The following TBX4 variants were observed in gnomAD, a reference collection of about 807,000 sequenced individuals.
The protein encoded by TBX4 is T-box transcription factor 4.
TBX4 carries 13 observed loss-of-function variants against 54.6 expected under a neutral mutation model. The observed-to-expected ratio is 0.24, with a 90% CI of 0.15 to 0.38. TBX4 has a LOEUF of 0.38. Ranked by LOEUF, TBX4 falls within the 10% of genes least tolerant of loss-of-function variation. The pLI is 1.00. For missense variants in TBX4, 631 were observed against 728.5 expected (o/e 0.87, Z 1.54); for synonymous variants, 314 against 306.7 (o/e 1.02, Z -0.25).
chr17:61,466,622 G>A (rs1042329238), intron 4 of TBX4, among the ~76,000 whole-genome samples: 7 of 152,368 alleles, frequency 4.6e-5, no homozygotes, highest in East Asian at 1.9e-4. Context: ...ACTGGGCTCC[G>A]TGGCAAGTGA....
In TBX4 at chr17:61,457,697, T is replaced by C; in HGVS notation, c.281+66T>C. ...AGCAAGGGGGGCCAGGGAGGTCCCTTAGAAGTCCTCTCGGCCCCGGCCTGG... is the reference window on the plus strand; with the variant it reads ...AGCAAGGGGGGCCAGGGAGGTCCCTCAGAAGTCCTCTCGGCCCCGGCCTGG... On this transcript the variant is annotated intron_variant, in intron 3 of 8. Coordinates refer to ENST00000644296, the MANE Select transcript of TBX4 (RefSeq NM_001321120.2). The surrounding 1 kb of genome is among the most constrained non-coding windows in gnomAD (Gnocchi z 8.2). 6.7e-7 allele frequency: 1 copy of C among 1,495,108 alleles called. No homozygotes were observed. Among genetic ancestry groups the C allele is most frequent in the South Asian group, 1.1e-5 (1 of 87,102 alleles). 92.6% of individuals were successfully genotyped at this position (1,495,108 alleles called of 1,614,324 possible).
chr17:61,456,408 CGGAATCG>C (rs2060449504), intron 1 of TBX4, 73 bp from the exon 2 acceptor site: 2 of 1,526,828 alleles, frequency 1.3e-6, no homozygotes, highest in African/African-American at 2.8e-5. Context: ...CACGAAGTCC[CGGAATCG>C]GCTGGAGAGG....
chr17:61,482,896 G>A lies in TBX4; in HGVS notation c.1022-1G>A. 6.2e-7 allele frequency: 1 copy of A among 1,613,352 alleles called. No homozygotes were observed. ...TTCCTGAATGTTACTTTGTCTTTCAGCAGACGGTACCCGCCACCTGGACTT... is the reference window on the plus strand; with the variant it reads ...TTCCTGAATGTTACTTTGTCTTTCAACAGACGGTACCCGCCACCTGGACTT... On this transcript the variant is annotated splice_acceptor_variant, in intron 8 of 8. Coordinates refer to ENST00000644296, the MANE Select transcript of TBX4 (RefSeq NM_001321120.2). LOFTEE classifies it high-confidence loss of function.
Position 61,478,499 on chromosome 17 carries a change from C to A in TBX4, c.550-128C>A. The A allele has an allele frequency of 2.3e-6, 3 of 1,308,332 alleles. No homozygotes were observed. The highest frequency in any genetic ancestry group is 1.2e-5 in the South Asian group (1 of 81,860). 81.0% of individuals were successfully genotyped at this position (1,308,332 alleles called of 1,614,324 possible). On this transcript the variant is annotated intron_variant, in intron 5 of 8. Coordinates refer to ENST00000644296, the MANE Select transcript of TBX4 (RefSeq NM_001321120.2). This position sits in a 1 kb window ranked among gnomAD's most constrained non-coding sequence, Gnocchi z 7.4. Reference sequence around the variant, plus strand: ...TTCACTTGGGAGCTCCAGTCCTGGTCGGTAGGCCCCGGATCCTGGGCTTTG... The same window carrying A: ...TTCACTTGGGAGCTCCAGTCCTGGTAGGTAGGCCCCGGATCCTGGGCTTTG...
Position 61,483,294 on chromosome 17 carries a change from T to G in TBX4, c.1419T>G (p.Ser473Arg), listed in dbSNP as rs780786210. The G allele has an allele frequency of 8.7e-6, 14 of 1,613,770 alleles. No individual in the cohort carries two copies. In the South Asian group the frequency reaches 1.5e-4, roughly 18 times the overall value. ...AGCCACCAGGAAATGCCCACTTTAG[T>G]GTCTACAATCAGCTCTCCCAGTCTC... ...SSQPPGNAHFSVYNQLSQSQV... is the reference protein window; with the variant it reads ...SSQPPGNAHFRVYNQLSQSQV... Residue 473 changes from serine to arginine, a missense_variant, in exon 9 of 9, where the codon AGT becomes AGG. Physicochemically the swap from Ser to Arg is moderately radical, Grantham distance 110. This residue lies in a region of TBX4 where 354 missense variants were observed against 368.9 expected (regional missense o/e 0.96). Transcript: ENST00000644296. This position sits in a 1 kb window ranked among gnomAD's most constrained non-coding sequence, Gnocchi z 6.6.
At chr17:61,469,150 G>GT (rs2143829695) in intron 5 of TBX4, among the ~76,000 whole-genome samples, 1 of 152,354 alleles carries the variant, frequency 6.6e-6, no homozygotes, top group South Asian at 2.1e-4. Flanking sequence ...CTGCAGGGAT[G>GT]TCTCAGAGGA....
chr17:61,467,502 G>A lies in TBX4; in HGVS notation c.402-8G>A, dbSNP rs758596. On this transcript the variant is annotated splice_polypyrimidine_tract_variant and splice_region_variant and intron_variant, in intron 4 of 8. Transcript: ENST00000644296. ...GTAATCACCTGCTCTTATCTGCTCT[G>A]TTGGCAGGATGGTGGCAGGGAAGGC... The A allele has an allele frequency of 0.28, 448,658 of 1,613,882 alleles. 64,132 individuals carry two copies. Among genetic ancestry groups the A allele is most frequent in the African/African-American group, 0.43 (32,296 of 74,950 alleles).
At chr17:61,466,353 T>A (rs2060537655) in intron 4 of TBX4, among the ~76,000 whole-genome samples, 1 of 152,184 alleles carries the variant, frequency 6.6e-6, no homozygotes. Context: ...TTACCTGCTG[T>A]GTGGGGGCAC....
chr17:61,466,031 C>T, intron 4 of TBX4, 93 bp downstream of exon 4: 1 of 1,583,182 alleles, frequency 6.3e-7, no homozygotes, highest in Non-Finnish European at 8.6e-7. Context: ...TTCTTAGCTA[C>T]CTGAGTGACT....
intron 5 of TBX4, among the ~76,000 whole-genome samples, chr17:61,477,299 T>TG (rs1232710683): frequency 6.6e-6 from 1 of 152,242 alleles, no homozygotes; most frequent in East Asian, 1.9e-4. Flanking sequence ...TGGCACATGA[T>TG]GCAGCTGCTA....
rs926313810 is a variant in TBX4, at chr17:61,474,626, T to C, written c.550-4001T>C. Among the ~76,000 whole-genome samples, 1 of 152,226 alleles carries C rather than the reference T, an allele frequency of 6.6e-6. No individual in the cohort carries two copies. Among genetic ancestry groups the C allele is most frequent in the Non-Finnish European group, 1.5e-5 (1 of 68,030 alleles). On this transcript the variant is annotated intron_variant, in intron 5 of 8. Coordinates refer to ENST00000644296, the MANE Select transcript of TBX4 (RefSeq NM_001321120.2). This position sits in a 1 kb window ranked among gnomAD's most constrained non-coding sequence, Gnocchi z 4.6. ...TGTTAAAATAGAACAGGCTTCTGAA[T>C]TGTGGCCAGAACATAATGAATCCCA...
At chr17:61,468,514 T>C (rs1306000772) in intron 5 of TBX4, among the ~76,000 whole-genome samples, 1 of 152,210 alleles carries the variant, frequency 6.6e-6, no homozygotes, top group South Asian at 2.1e-4. Flanking sequence ...GGTTACGAGA[T>C]GTGCAGGTAT....
intron 5 of TBX4, among the ~76,000 whole-genome samples, chr17:61,469,396 C>A (rs1371229803): frequency 6.6e-6 from 1 of 152,188 alleles, no homozygotes. Context: ...GCTGGGGGTG[C>A]CCCTGGCTGC....
In TBX4 at chr17:61,464,983, C is replaced by T. The variant is rs908648152; in HGVS notation, c.282-836C>T. ...TGCAGCAGGGGTCCGTGGTAATTCA[C>T]GCAGCAATCTATGAGATAGGTGGTA... On this transcript the variant is annotated intron_variant, in intron 3 of 8. Transcript: ENST00000644296. The surrounding 1 kb of genome is among the most constrained non-coding windows in gnomAD (Gnocchi z 5.8). 3.9e-5 allele frequency among the ~76,000 whole-genome samples: 6 copies of T among 152,114 alleles called. No individual in the cohort carries two copies. Among genetic ancestry groups the T allele is most frequent in the Admixed American group, 2.6e-4 (4 of 15,284 alleles).
rs2060654004 is a variant in TBX4 at position 61,480,214 on chromosome 17, G to A, written c.916G>A (p.Glu306Lys). Residue 306 changes from glutamate (E) to lysine (K), a missense_variant, in exon 8 of 9, where the codon GAG becomes AAG. By Grantham distance (56) the Glu-to-Lys change is moderately conservative. Coordinates refer to ENST00000644296, the MANE Select transcript of TBX4 (RefSeq NM_001321120.2). This position sits in a 1 kb window ranked among gnomAD's most constrained non-coding sequence, Gnocchi z 6.2. ...THQALQHYQH[E>K]NGAHSQLAEP... Reference sequence around the variant, plus strand: ...CCAGGCACTCCAGCACTACCAGCACGAGAACGGGGCACACTCACAGCTCGC... The same window carrying A: ...CCAGGCACTCCAGCACTACCAGCACAAGAACGGGGCACACTCACAGCTCGC... The A allele has an allele frequency of 1.2e-6, 2 of 1,614,074 alleles. No homozygotes were observed. Among genetic ancestry groups the A allele is most frequent in the Admixed American group, 1.7e-5 (1 of 60,010 alleles).
At chr17:61,456,209 G>A (rs879464471) in intron 1 of TBX4, among the ~76,000 whole-genome samples, 1 of 152,176 alleles carries the variant, frequency 6.6e-6, no homozygotes, top group Non-Finnish European at 1.5e-5. Context: ...CCGAGAGGGC[G>A]GTCCCTCCCC....
In TBX4 at chr17:61,461,274, G is replaced by A. The variant is rs1400727290; in HGVS notation, c.281+3643G>A. Among the ~76,000 whole-genome samples, 1 of 152,200 alleles carries A rather than the reference G, an allele frequency of 6.6e-6. No homozygotes were observed. Among genetic ancestry groups the A allele is most frequent in the Non-Finnish European group, 1.5e-5 (1 of 68,036 alleles). ...CTTTGGGTGAATTAGAAAACTGTGTGTGTATGCCTCTATGTATGTGTGTGA... is the reference window on the plus strand; with the variant it reads ...CTTTGGGTGAATTAGAAAACTGTGTATGTATGCCTCTATGTATGTGTGTGA... On this transcript the variant is annotated intron_variant, in intron 3 of 8. Coordinates refer to ENST00000644296, the MANE Select transcript of TBX4 (RefSeq NM_001321120.2). This position sits in a 1 kb window ranked among gnomAD's most constrained non-coding sequence, Gnocchi z 5.1.
rs2060518732 is a variant in TBX4, at chr17:61,464,193, C to G, written c.282-1626C>G. The G allele has an allele frequency of 6.6e-6, 1 of 152,436 alleles. No individual in the cohort carries two copies. The highest frequency in any genetic ancestry group is 1.5e-5 in the Non-Finnish European group (1 of 68,174). 9.4% of individuals were successfully genotyped at this position (152,436 alleles called of 1,614,324 possible). A position where few individuals can be genotyped will look rare whatever the true frequency, so the allele number is the denominator to read the frequency against. ...CACACATGCGCACTTGCACACCGCT[C>G]ACATGCGCCTGGGCACACACACCCC... is the stretch of plus-strand genomic sequence containing the variant. On this transcript the variant is annotated intron_variant, in intron 3 of 8. Transcript: ENST00000644296. The surrounding 1 kb of genome is among the most constrained non-coding windows in gnomAD (Gnocchi z 5.8).
chr17:61,479,322 C>G lies in TBX4; in HGVS notation c.702+543C>G, dbSNP rs1323716703. On this transcript the variant is annotated intron_variant, in intron 6 of 8. Coordinates refer to ENST00000644296, the MANE Select transcript of TBX4 (RefSeq NM_001321120.2). This position sits in a 1 kb window ranked among gnomAD's most constrained non-coding sequence, Gnocchi z 6.1. ...CCAGTCACTGACAGCCGTGCTCTGC[C>G]GCCCGTCTGCTTTCCACAGTATGCA... is the stretch of plus-strand genomic sequence containing the variant. 6.6e-6 allele frequency among the ~76,000 whole-genome samples: 1 copy of G among 152,176 alleles called. No individual in the cohort carries two copies. The highest frequency in any genetic ancestry group is 2.4e-5 in the African/African-American group (1 of 41,438).
Sources: allele counts gnomAD v4.1 joint callset (sites outside exome capture counted in the v4.1 genomes callset), GRCh38; gene constraint gnomAD v4.1.1; regional missense constraint gnomAD v4.1.1; non-coding constraint Gnocchi (gnomAD v3.1); transcripts MANE v1.5; gene names NCBI Gene and HGNC (gene_info 2026-07-23, HGNC 2026-07-21).